KCNMB3: variants seen among roughly 807,000 people sequenced by gnomAD.
The protein encoded by KCNMB3 is potassium calcium-activated channel subfamily M regulatory beta subunit 3.
Under a neutral mutation model 11.9 loss-of-function variants are expected in KCNMB3, and 18 were observed. The ratio of observed to expected loss-of-function variants is 1.51; its 90% confidence interval spans 1.04 to 2.23. The LOEUF (loss-of-function observed/expected upper bound fraction) is 2.23. KCNMB3 is among the 30% of genes most tolerant of loss of function. The pLI is 0.00. For synonymous variants in KCNMB3, 78 were observed against 119.2 expected (o/e 0.65, Z 2.25); for missense variants, 247 against 329.4 (o/e 0.75, Z 1.94).
At chr3:179,260,427 A>T in intron 1 of KCNMB3, 1 of 1,613,800 alleles carries the variant, frequency 6.2e-7, no homozygotes, top group Non-Finnish European at 8.5e-7. Flanking sequence ...AGCAGTGAAT[A>T]CCTCTATGTC....
chr3:179,244,112 T>C (rs1290590715), intron 2 of KCNMB3, among the ~76,000 whole-genome samples: 1 of 152,190 alleles, frequency 6.6e-6, no homozygotes, highest in Non-Finnish European at 1.5e-5. Context: ...TGTAACTTAC[T>C]AAAATAAAAA....
downstream of KCNMB3, chr3:179,239,881 C>A: frequency 3.2e-6 from 2 of 626,964 alleles, no homozygotes; most frequent in Non-Finnish European, 5.4e-6. Flanking sequence ...GCATTTGACA[C>A]AGCAAGATGC....
chr3:179,260,121 C>T (rs1726155299), intron 1 of KCNMB3: 2 of 1,605,918 alleles, frequency 1.2e-6, no homozygotes, highest in African/African-American at 1.3e-5. Flanking sequence ...CCCTAAAGGA[C>T]ATGAGGCCAC....
chr3:179,262,869 T>A (rs187523787), intron 1 of KCNMB3, among the ~76,000 whole-genome samples: 1 of 152,346 alleles, frequency 6.6e-6, no homozygotes, highest in African/African-American at 2.4e-5. Flanking sequence ...TACAGGGTGC[T>A]GATTGGTGTG....
chr3:179,254,648 T>C (rs1224300555), upstream of KCNMB3, among the ~76,000 whole-genome samples: 4 of 152,048 alleles, frequency 2.6e-5, no homozygotes, highest in East Asian at 1.9e-4. Context: ...CTATCTCTAC[T>C]AAAAACACAA....
At chr3:179,240,986 T>C (rs186070829), downstream of KCNMB3, 6 of 152,258 alleles carry the variant, frequency 3.9e-5, no homozygotes, top group African/African-American at 1.4e-4. Flanking sequence ...ACCACAACCT[T>C]TTAAACAGCA....
At chr3:179,256,691 T>A (rs1726021200) in intron 1 of KCNMB3, among the ~76,000 whole-genome samples, 1 of 150,330 alleles carries the variant, frequency 6.7e-6, no homozygotes, top group African/African-American at 2.5e-5. Flanking sequence ...TCCAAACTAG[T>A]AGAGAAACAA....
intron 1 of KCNMB3, among the ~76,000 whole-genome samples, chr3:179,264,040 A>G (rs1726305350): frequency 6.6e-6 from 1 of 151,936 alleles, no homozygotes; most frequent in Non-Finnish European, 1.5e-5. Flanking sequence ...TCTTGACCTC[A>G]GGTGATCCAC....
chr3:179,256,695 G>A (rs1440707377), intron 1 of KCNMB3, among the ~76,000 whole-genome samples: 1 of 151,110 alleles, frequency 6.6e-6, no homozygotes, highest in East Asian at 1.9e-4. Flanking sequence ...AACTAGTAGA[G>A]AAACAAAGAA....
downstream of KCNMB3, chr3:179,240,102 G>A (rs774459984): frequency 5.0e-5 from 71 of 1,413,324 alleles, no homozygotes; most frequent in Non-Finnish European, 6.7e-5. Flanking sequence ...TACTTTTTGT[G>A]TCCAAACAAT....
chr3:179,259,756 C>T (rs953042737), intron 1 of KCNMB3: 2 of 1,601,266 alleles, frequency 1.2e-6, no homozygotes, highest in African/African-American at 1.4e-5. Flanking sequence ...TGCAATGAGT[C>T]CAATGCCTCT....
At chr3:179,251,122 T>A, upstream of KCNMB3, 5 of 1,614,134 alleles carry the variant, frequency 3.1e-6, no homozygotes, top group Non-Finnish European at 4.2e-6. Context: ...GCTAAAGTGA[T>A]GTGTAATCAA....
intron 1 of KCNMB3, 110 bp from the exon 2 acceptor site, chr3:179,244,803 G>T: frequency 1.1e-6 from 1 of 908,300 alleles, no homozygotes; most frequent in Non-Finnish European, 1.7e-6. Flanking sequence ...TGTGTACAAG[G>T]CATTTGTGTA....
chr3:179,253,717 A>T (rs1725921870), upstream of KCNMB3, among the ~76,000 whole-genome samples: 1 of 152,120 alleles, frequency 6.6e-6, no homozygotes, highest in South Asian at 2.1e-4. Flanking sequence ...GAGGCAGGAA[A>T]ATCGCTTGAA....
intron 2 of KCNMB3, among the ~76,000 whole-genome samples, chr3:179,243,644 CTT>C (rs1725538627): frequency 6.6e-6 from 1 of 152,206 alleles, no homozygotes; most frequent in Admixed American, 6.5e-5. Context: ...TCACTATGAG[CTT>C]TCAACGCTTA....
chr3:179,259,916 C>G, intron 1 of KCNMB3: 1 of 1,613,406 alleles, frequency 6.2e-7, no homozygotes, highest in East Asian at 2.2e-5. Flanking sequence ...GTTTCTCATC[C>G]CTTAATCCTT....
intron 1 of KCNMB3, chr3:179,260,352 C>T: frequency 6.2e-7 from 1 of 1,614,038 alleles, no homozygotes; most frequent in Non-Finnish European, 8.5e-7. Context: ...ATAGGTAGCA[C>T]CTGCTAAGGT....
At chr3:179,249,950 G>T (rs889026164) in intron 1 of KCNMB3, among the ~76,000 whole-genome samples, 2 of 152,126 alleles carry the variant, frequency 1.3e-5, no homozygotes, top group African/African-American at 4.8e-5. Flanking sequence ...CCCAGGTGAT[G>T]GGTTGATCTG....
chr3:179,260,829 G>T (rs976106573), intron 1 of KCNMB3: 8 of 1,284,128 alleles, frequency 6.2e-6, no homozygotes, highest in African/African-American at 6.0e-5. Context: ...TCAGCCAGCT[G>T]TTCTTCAATC....
Sources: gnomAD v4.1 joint callset for allele counts (sites outside exome capture counted in the v4.1 genomes callset) on GRCh38, gnomAD v4.1.1 for gene constraint, MANE v1.5 for transcripts, NCBI Gene and HGNC (gene_info 2026-07-23, HGNC 2026-07-21) for gene names.